The following GALNT13 variants were observed in gnomAD, a reference collection of about 807,000 sequenced individuals.
GALNT13 encodes UDP-GalNAc:polypeptide N-acetylgalactosaminyltransferase 13.
In GALNT13, 28 loss-of-function variants were observed where a neutral mutation model predicts 64.2. The ratio of observed to expected loss-of-function variants is 0.44; its 90% CI spans 0.32 to 0.60. The LOEUF (loss-of-function observed/expected upper bound fraction) is 0.60. GALNT13 is among the 20% of genes least tolerant of loss of function. The pLI is 0.05. For missense variants in GALNT13, 577 were observed against 669.8 expected, an observed-to-expected ratio of 0.86 and a Z score of 1.53; for synonymous variants, 214 against 224.6, an observed-to-expected ratio of 0.95 and a Z score of 0.42.
intron 8 of GALNT13, chr2:154,286,725 A>C (rs16836410): frequency 0.03 from 9,152 of 310,130 alleles, 200 homozygotes; most frequent in East Asian, 0.089. Context: ...TCTGTGGCAT[A>C]CAGGACATTG....
At chr2:153,097,553 A>C in the GALNT13 span, among the ~76,000 whole-genome samples, 1 of 152,198 alleles carries the variant, frequency 6.6e-6, no homozygotes, top group African/African-American at 2.4e-5. Context: ...TATTTCTTAA[A>C]GGTGCACTAT....
At chr2:153,971,277 G>A (rs67644463) in intron 3 of GALNT13, among the ~76,000 whole-genome samples, 7,957 of 152,056 alleles carry the variant, frequency 0.052, 284 homozygotes, top group South Asian at 0.11. Context: ...CTCTACACTC[G>A]CTGTCCTTCT....
intron 3 of GALNT13, among the ~76,000 whole-genome samples, chr2:154,087,936 G>A (rs1311951069): frequency 6.6e-6 from 1 of 152,016 alleles, no homozygotes; most frequent in East Asian, 1.9e-4. Context: ...AGAAACTCCT[G>A]GCTTTATGTT....
the GALNT13 span, among the ~76,000 whole-genome samples, chr2:153,118,139 ACACACACC>A: frequency 8.1e-3 from 1,228 of 150,746 alleles, 12 homozygotes; most frequent in Admixed American, 0.012. Context: ...ACACACACAC[ACACACACC>A]CCACATAAAC....
chr2:153,404,940 G>C, the GALNT13 span, among the ~76,000 whole-genome samples: 1 of 152,040 alleles, frequency 6.6e-6, no homozygotes, highest in East Asian at 1.9e-4. Flanking sequence ...ATAGGCTTCC[G>C]GGCAAAGCCT....
the GALNT13 span, among the ~76,000 whole-genome samples, chr2:153,415,874 A>G: frequency 2.6e-5 from 4 of 152,234 alleles, no homozygotes; most frequent in Non-Finnish European, 5.9e-5. Context: ...AGTTATTTCT[A>G]TAATCAGAAA....
the GALNT13 span, among the ~76,000 whole-genome samples, chr2:153,664,469 C>A: frequency 6.6e-6 from 1 of 152,168 alleles, no homozygotes; most frequent in African/African-American, 2.4e-5. Flanking sequence ...ATTGTTCAAA[C>A]ACACAGGTTT....
the GALNT13 span, among the ~76,000 whole-genome samples, chr2:153,369,672 T>C: frequency 6.6e-6 from 1 of 152,148 alleles, no homozygotes; most frequent in Non-Finnish European, 1.5e-5. Flanking sequence ...TGAAATTAGG[T>C]TCTGAAAGGA....
chr2:153,169,038 G>A, the GALNT13 span, among the ~76,000 whole-genome samples: 1 of 151,614 alleles, frequency 6.6e-6, no homozygotes, highest in East Asian at 1.9e-4. Context: ...TAGTTATGCC[G>A]ATAAAGGAGA....
At chr2:154,398,773 A>G (rs1455014322) in intron 10 of GALNT13, among the ~76,000 whole-genome samples, 2 of 152,226 alleles carry the variant, frequency 1.3e-5, no homozygotes, top group African/African-American at 2.4e-5. Context: ...CTGAAGACAT[A>G]AAACATCTAG....
chr2:154,169,887 TAGAG>T (rs966602558), intron 4 of GALNT13, among the ~76,000 whole-genome samples: 1 of 151,160 alleles, frequency 6.6e-6, no homozygotes, highest in African/African-American at 2.4e-5. Context: ...CTCTTTCCCT[TAGAG>T]AGAGAGAGTA....
chr2:153,318,120 G>A, the GALNT13 span, among the ~76,000 whole-genome samples: 1 of 41,822 alleles, frequency 2.4e-5, no homozygotes, highest in Non-Finnish European at 4.4e-5. Context: ...TGTATTAGGA[G>A]AGTTTTTTTT....
downstream of GALNT13, among the ~76,000 whole-genome samples, chr2:154,456,191 T>TTTGTTGTTGTTGTTGTTGTTG (rs70983725): frequency 4.0e-4 from 58 of 146,296 alleles, 1 homozygote; most frequent in East Asian, 1.2e-3. Flanking sequence ...TTTGTTTTGT[T>TTTGTTGTTGTTGTTGTTGTTG]TTGTTGTTGT....
At chr2:153,852,369 G>T in the GALNT13 span, among the ~76,000 whole-genome samples, 1 of 152,040 alleles carries the variant, frequency 6.6e-6, no homozygotes, top group African/African-American at 2.4e-5. Flanking sequence ...CCAAGTAAAT[G>T]ATATTTTCAG....
chr2:154,019,221 A>C (rs1697244990), intron 3 of GALNT13, among the ~76,000 whole-genome samples: 3 of 152,312 alleles, frequency 2.0e-5, no homozygotes, highest in Admixed American at 2.0e-4. Context: ...TATAAATTAA[A>C]TCAAAGCTTA....
At chr2:153,383,978 C>A in the GALNT13 span, among the ~76,000 whole-genome samples, 1 of 149,994 alleles carries the variant, frequency 6.7e-6, no homozygotes, top group Non-Finnish European at 1.5e-5. Context: ...AAGATATTGA[C>A]CTTGGGGCAG....
intron 3 of GALNT13, among the ~76,000 whole-genome samples, chr2:154,054,969 CTTTTT>C (rs144309960): frequency 4.7e-5 from 7 of 150,450 alleles, no homozygotes; most frequent in Non-Finnish European, 1.0e-4. Context: ...AGATATGGGA[CTTTTT>C]TTTTAGGTGA....
chr2:153,562,058 C>CTGTGTGTG, the GALNT13 span, among the ~76,000 whole-genome samples: 5 of 87,214 alleles, frequency 5.7e-5, no homozygotes, highest in African/African-American at 2.2e-4. Flanking sequence ...CTCTCTCTCT[C>CTGTGTGTG]TCTGTGTGTG....
the GALNT13 span, among the ~76,000 whole-genome samples, chr2:153,183,221 A>G: frequency 6.6e-6 from 1 of 152,190 alleles, no homozygotes; most frequent in Non-Finnish European, 1.5e-5. Flanking sequence ...CATTTCTCTA[A>G]TGATCCATAA....
Sources: gnomAD v4.1 joint callset for allele counts (sites outside exome capture counted in the v4.1 genomes callset) on GRCh38, gnomAD v4.1.1 for gene constraint, MANE v1.5 for transcripts, NCBI Gene and HGNC (gene_info 2026-07-23, HGNC 2026-07-21) for gene names.